The following DAB1 variants were observed in gnomAD, a reference collection of about 807,000 sequenced individuals.
DAB1 encodes the protein DAB adaptor protein 1.
In DAB1, 15 loss-of-function variants were observed where a neutral mutation model predicts 64.6. The observed-to-expected ratio is 0.23, with a 90% CI of 0.16 to 0.36. The LOEUF is 0.36. Among genes scored for constraint, DAB1 ranks in the 10% least tolerant of loss-of-function variants. DAB1 has a pLI of 1.00. For synonymous variants in DAB1, 235 were observed against 251.9 expected (o/e 0.93, Z 0.64); for missense variants, 596 against 706.7 (o/e 0.84, Z 1.78).
intron 3 of DAB1, among the ~76,000 whole-genome samples, chr1:58,349,163 G>C (rs1395037216): frequency 6.6e-6 from 1 of 152,188 alleles, no homozygotes; most frequent in Non-Finnish European, 1.5e-5. Flanking sequence ...GCTTGGGCTT[G>C]GTTTGAGTAT....
chr1:57,562,189 A>G (rs1645060353), intron 7 of DAB1, among the ~76,000 whole-genome samples: 2 of 152,200 alleles, frequency 1.3e-5, no homozygotes, highest in South Asian at 2.1e-4. Context: ...CCTGGCCAAC[A>G]TGATGAAACC....
chr1:57,419,100 T>C (rs1394708731), intron 1 of DAB1, among the ~76,000 whole-genome samples: 1 of 152,174 alleles, frequency 6.6e-6, no homozygotes, highest in African/African-American at 2.4e-5. Context: ...CCTACTGACA[T>C]GCTTTTTTCA....
chr1:57,869,431 AC>A (rs1367473707), intron 1 of DAB1, among the ~76,000 whole-genome samples: 5 of 134,920 alleles, frequency 3.7e-5, no homozygotes, highest in African/African-American at 1.9e-4. Flanking sequence ...TCATGCACAA[AC>A]AAAGTTGACA....
At chr1:57,950,290 T>A (rs1329120233) in intron 5 of DAB1, among the ~76,000 whole-genome samples, 1 of 152,128 alleles carries the variant, frequency 6.6e-6, no homozygotes, top group Non-Finnish European at 1.5e-5. Flanking sequence ...AGTTACCATA[T>A]CAAAGAACAT....
intron 5 of DAB1, among the ~76,000 whole-genome samples, chr1:58,023,776 T>C (rs1462604254): frequency 6.6e-6 from 1 of 152,212 alleles, no homozygotes; most frequent in Admixed American, 6.5e-5. Context: ...ATCAAACACA[T>C]AAATTGCCTT....
intron 4 of DAB1, among the ~76,000 whole-genome samples, chr1:57,121,177 G>GGAGGAGAAGGAGAAGAAA (rs1656619178): frequency 6.6e-6 from 1 of 150,826 alleles, no homozygotes. Context: ...AGGAGGAGAA[G>GGAGGAGAAGGAGAAGAAA]GAGAAGAAAG....
At chr1:57,930,573 C>A (rs1261670078) in intron 5 of DAB1, among the ~76,000 whole-genome samples, 1 of 152,020 alleles carries the variant, frequency 6.6e-6, no homozygotes, top group Non-Finnish European at 1.5e-5. Flanking sequence ...TATAGTTTTT[C>A]TTATATAGAT....
chr1:58,129,233 G>C (rs1226009492), intron 5 of DAB1, among the ~76,000 whole-genome samples: 8 of 151,512 alleles, frequency 5.3e-5, no homozygotes, highest in African/African-American at 1.9e-4. Context: ...AGATTTTCTA[G>C]TTTATTTGCG....
At chr1:57,728,982 G>A (rs1557446905) in intron 6 of DAB1, among the ~76,000 whole-genome samples, 1 of 152,136 alleles carries the variant, frequency 6.6e-6, no homozygotes, top group Non-Finnish European at 1.5e-5. Flanking sequence ...TGCTTATGTC[G>A]ACTTTGTAGG....
intron 5 of DAB1, among the ~76,000 whole-genome samples, chr1:57,973,122 A>G (rs1397391692): frequency 6.6e-6 from 1 of 152,224 alleles, no homozygotes; most frequent in Non-Finnish European, 1.5e-5. Context: ...TATCCTAATC[A>G]GAGAGAGTAA....
chr1:58,430,717 G>T (rs1229819451), intron 3 of DAB1, among the ~76,000 whole-genome samples: 1 of 152,132 alleles, frequency 6.6e-6, no homozygotes, highest in Non-Finnish European at 1.5e-5. Context: ...AAGGAGGGAG[G>T]TAATCAAAAA....
At chr1:58,445,067 C>T (rs1490009363) in intron 3 of DAB1, among the ~76,000 whole-genome samples, 1 of 152,148 alleles carries the variant, frequency 6.6e-6, no homozygotes, top group African/African-American at 2.4e-5. Flanking sequence ...TTCCCTGGGG[C>T]TAAGGGATTG....
intron 1 of DAB1, among the ~76,000 whole-genome samples, chr1:57,835,010 C>T (rs1251702586): frequency 1.3e-5 from 2 of 152,094 alleles, no homozygotes; most frequent in Admixed American, 6.5e-5. Flanking sequence ...AGCAGAAGTT[C>T]GTGCTCAATC....
chr1:57,348,087 C>T (rs1678263773), intron 1 of DAB1, among the ~76,000 whole-genome samples: 1 of 152,170 alleles, frequency 6.6e-6, no homozygotes, highest in Admixed American at 6.5e-5. Context: ...TTGAGCAGCA[C>T]AGGAATATAA....
At chr1:57,504,178 T>C (rs942623534) in intron 7 of DAB1, among the ~76,000 whole-genome samples, 2 of 152,164 alleles carry the variant, frequency 1.3e-5, no homozygotes, top group South Asian at 2.1e-4. Flanking sequence ...CATAATGAAT[T>C]CTTAGCAGCT....
At chr1:58,450,507 C>A (rs561635179) in intron 3 of DAB1, among the ~76,000 whole-genome samples, 9 of 152,174 alleles carry the variant, frequency 5.9e-5, no homozygotes, top group African/African-American at 1.9e-4. Context: ...GTAATCCCAG[C>A]ACTTTGGGAG....
intron 3 of DAB1, among the ~76,000 whole-genome samples, chr1:58,408,881 A>G (rs338908): frequency 0.16 from 23,614 of 152,206 alleles, 2,331 homozygotes; most frequent in Non-Finnish European, 0.22. Context: ...TTACACAAGA[A>G]CATCCTGCAT....
chr1:57,757,198 ATTTTTTTT>A (rs375166170), intron 6 of DAB1, among the ~76,000 whole-genome samples: 1 of 90,090 alleles, frequency 1.1e-5, no homozygotes, highest in Non-Finnish European at 2.8e-5. Flanking sequence ...CAGGGGCAGA[ATTTTTTTT>A]TTTTTTTTTT....
At chr1:57,215,812 G>A (rs932460450) in intron 2 of DAB1, among the ~76,000 whole-genome samples, 3 of 152,132 alleles carry the variant, frequency 2.0e-5, no homozygotes, top group African/African-American at 7.2e-5. Flanking sequence ...GCTATGGAAT[G>A]TCCATGCATT....
Sources: gnomAD v4.1 joint callset for allele counts (sites outside exome capture counted in the v4.1 genomes callset) on GRCh38, gnomAD v4.1.1 for gene constraint, MANE v1.5 for transcripts, NCBI Gene and HGNC (gene_info 2026-07-23, HGNC 2026-07-21) for gene names.